Variants in RALGPS2 observed in about 807,000 individuals in gnomAD.
RALGPS2 encodes ras-specific guanine nucleotide-releasing factor RalGPS2.
Under a neutral mutation model 86.8 loss-of-function variants are expected in RALGPS2, and 43 were observed. The ratio of observed to expected loss-of-function variants is 0.50; its 90% CI spans 0.39 to 0.64. The LOEUF (loss-of-function observed/expected upper bound fraction) is 0.64, where lower values mean the gene tolerates loss of function less well. RALGPS2 is among the 30% of genes least tolerant of loss of function. The pLI is 0.00. For synonymous variants in RALGPS2, 243 were observed against 231.3 expected, an observed-to-expected ratio of 1.05 and a Z score of -0.46; for missense variants, 536 against 694.6, an observed-to-expected ratio of 0.77 and a Z score of 2.57.
At chr1:178,815,439 A>T (rs1655179826) in intron 6 of RALGPS2, among the ~76,000 whole-genome samples, 1 of 152,138 alleles carries the variant, frequency 6.6e-6, no homozygotes, top group South Asian at 2.1e-4. Flanking sequence ...GCTAGTTCTC[A>T]TAAGCTTTGC....
At chr1:178,784,147 A>G (rs755968776) in intron 2 of RALGPS2, among the ~76,000 whole-genome samples, 1 of 152,112 alleles carries the variant, frequency 6.6e-6, no homozygotes, top group Non-Finnish European at 1.5e-5. Flanking sequence ...ATTTATTTCT[A>G]TAGGAAATGA....
At chr1:178,896,036 C>A (rs1378234185) in intron 16 of RALGPS2, among the ~76,000 whole-genome samples, 1 of 151,896 alleles carries the variant, frequency 6.6e-6, no homozygotes, top group Non-Finnish European at 1.5e-5. Context: ...AGGTCTCCCA[C>A]AAAGAAGAGT....
At chr1:178,908,073 C>T (rs868769096) in intron 19 of RALGPS2, among the ~76,000 whole-genome samples, 8 of 152,154 alleles carry the variant, frequency 5.3e-5, no homozygotes, top group African/African-American at 7.2e-5. Context: ...GTTTTTCAAC[C>T]GTCACCCCTC....
intron 8 of RALGPS2, among the ~76,000 whole-genome samples, chr1:178,859,748 A>T: frequency 9.7e-6 from 1 of 102,834 alleles, no homozygotes; most frequent in African/African-American, 4.0e-5. Context: ...GCCAGGCTGG[A>T]GTGCAGTGTC....
At chr1:178,895,021 C>T (rs973449641) in intron 16 of RALGPS2, among the ~76,000 whole-genome samples, 36 of 151,854 alleles carry the variant, frequency 2.4e-4, no homozygotes, top group African/African-American at 8.2e-4. Flanking sequence ...TTCTACATAA[C>T]ATAGAATCCA....
At chr1:178,893,664 T>G (rs921996512) in intron 15 of RALGPS2, among the ~76,000 whole-genome samples, 4 of 151,950 alleles carry the variant, frequency 2.6e-5, no homozygotes, top group African/African-American at 9.7e-5. Context: ...ACTGCATTCT[T>G]TCTAAATTAT....
At chr1:178,745,255 GA>G (rs1050715942) in intron 1 of RALGPS2, among the ~76,000 whole-genome samples, 1 of 147,908 alleles carries the variant, frequency 6.8e-6, no homozygotes, top group Non-Finnish European at 1.5e-5. Context: ...TGGGGTGGGG[GA>G]ATAGAAATTG....
At chr1:178,853,883 T>C in intron 8 of RALGPS2, 1 of 928,076 alleles carries the variant, frequency 1.1e-6, no homozygotes, top group Non-Finnish European at 1.5e-6. Context: ...TGTCTTTGTT[T>C]ACAGTTACCA....
rs551910513 is a variant in RALGPS2 at position 178,848,921 on chromosome 1, C to T, written c.607+15371C>T. 4.6e-5 allele frequency among the ~76,000 whole-genome samples: 7 copies of T among 152,238 alleles called. No homozygotes were observed. In the South Asian group the frequency reaches 1.0e-3, roughly 23 times the overall value. ...TTGGGATTACAGATGTGAGCCACCA[C>T]GCCTGGCCCGGATATTGTTTTTAAA... On this transcript the variant is annotated intron_variant, in intron 8 of 19. Transcript: ENST00000367635.
chr1:178,776,902 T>A, intron 2 of RALGPS2, 81 bp downstream of exon 2: 1 of 1,096,220 alleles, frequency 9.1e-7, no homozygotes, highest in Non-Finnish European at 1.4e-6. Flanking sequence ...TTCACATACT[T>A]AAATCAGAAG....
chr1:178,905,409 T>G (rs1022753515), intron 18 of RALGPS2, among the ~76,000 whole-genome samples: 1 of 152,230 alleles, frequency 6.6e-6, no homozygotes, highest in Non-Finnish European at 1.5e-5. Flanking sequence ...AGTATGTAAA[T>G]TGTAGCTGTG....
intron 8 of RALGPS2, among the ~76,000 whole-genome samples, chr1:178,872,364 C>T (rs150281884): frequency 1.3e-5 from 2 of 152,278 alleles, no homozygotes; most frequent in South Asian, 2.1e-4. Flanking sequence ...AAGAATGGAG[C>T]AGGTAATATA....
rs1647307342 is a variant in RALGPS2 at position 178,921,471 on chromosome 1, A to C, written c.*5112A>C. The C allele has an allele frequency of 6.6e-6, 1 of 151,664 alleles. No individual in the cohort carries two copies. The highest frequency in any genetic ancestry group is 2.1e-4 in the South Asian group (1 of 4,810). 9.4% of individuals were successfully genotyped at this position (151,664 alleles called of 1,614,324 possible). On this transcript the variant is annotated 3_prime_UTR_variant, in exon 20 of 20. Coordinates refer to ENST00000367635, the MANE Select transcript of RALGPS2 (RefSeq NM_152663.5). ...AAGAGTTTCTGTACCTTGATTATTG[A>C]CAAATTCATTGTTTTACATCCTACT...
At chr1:178,774,048 C>T (rs1652945068) in intron 1 of RALGPS2, among the ~76,000 whole-genome samples, 1 of 152,188 alleles carries the variant, frequency 6.6e-6, no homozygotes, top group African/African-American at 2.4e-5. Context: ...CGAGACCAGC[C>T]TGGCCAACAT....
chr1:178,773,585 T>C (rs1216122392), intron 1 of RALGPS2, among the ~76,000 whole-genome samples: 8 of 152,070 alleles, frequency 5.3e-5, no homozygotes. Flanking sequence ...TTCAACATTA[T>C]TAAATACTAT....
chr1:178,739,656 AT>A (rs1306844020), intron 1 of RALGPS2, among the ~76,000 whole-genome samples: 1 of 152,220 alleles, frequency 6.6e-6, no homozygotes, highest in Non-Finnish European at 1.5e-5. Context: ...GGAAATTAGA[AT>A]TGAAATGATA....
At chr1:178,839,475 C>T (rs1656466358) in intron 8 of RALGPS2, among the ~76,000 whole-genome samples, 1 of 152,134 alleles carries the variant, frequency 6.6e-6, no homozygotes, top group African/African-American at 2.4e-5. Context: ...GATATTTTGT[C>T]ACCACCAGGC....
Position 178,918,786 on chromosome 1 carries a change from T to TA in RALGPS2, c.*2428dup, listed in dbSNP as rs1453067041. On this transcript the variant is annotated 3_prime_UTR_variant, in exon 20 of 20. Coordinates refer to ENST00000367635, the MANE Select transcript of RALGPS2 (RefSeq NM_152663.5). Reference sequence around the variant, plus strand: ...CTTAAAATAGTGTAGGTGAATTTTTTATCTATAATTTACCAAATAATACCT... The same window carrying TA: ...CTTAAAATAGTGTAGGTGAATTTTTTAATCTATAATTTACCAAATAATACCT... The TA allele has an allele frequency of 6.6e-6, 1 of 152,140 alleles. No individual in the cohort carries two copies. Among genetic ancestry groups the TA allele is most frequent in the Admixed American group, 6.5e-5 (1 of 15,278 alleles). 9.4% of individuals were successfully genotyped at this position (152,140 alleles called of 1,614,324 possible).
At chr1:178,752,792 A>G (rs1460497532) in intron 1 of RALGPS2, among the ~76,000 whole-genome samples, 1 of 152,228 alleles carries the variant, frequency 6.6e-6, no homozygotes, top group Non-Finnish European at 1.5e-5. Flanking sequence ...AAAATACTTA[A>G]TAAACTGATA....
Sources: allele counts gnomAD v4.1 joint callset (sites outside exome capture counted in the v4.1 genomes callset), GRCh38; gene constraint gnomAD v4.1.1; transcripts MANE v1.5; gene names NCBI Gene and HGNC (gene_info 2026-07-23, HGNC 2026-07-21).